The following DDX46 variants were observed in gnomAD, a reference collection of about 807,000 sequenced individuals.
The protein encoded by DDX46 is DEAD-box helicase 46.
DDX46 carries 30 observed loss-of-function variants against 134.9 expected under a neutral mutation model. That is an observed-to-expected ratio of 0.22 (90% CI 0.17 to 0.30). The LOEUF (loss-of-function observed/expected upper bound fraction) is 0.30. Among genes scored for constraint, DDX46 ranks in the 10% least tolerant of loss-of-function variants. The pLI is 1.00. For missense variants in DDX46, 622 were observed against 1,248.7 expected (o/e 0.50, Z 7.56); for synonymous variants, 415 against 404.1 (o/e 1.03, Z -0.32).
intron 15 of DDX46, chr5:134,804,869 C>A: frequency 2.6e-6 from 1 of 382,514 alleles, no homozygotes; most frequent in South Asian, 2.3e-5. Context: ...CTGTCATGAT[C>A]ACATTTAACA....
At chr5:134,800,371 C>A (rs1754790210) in intron 15 of DDX46, among the ~76,000 whole-genome samples, 1 of 151,924 alleles carries the variant, frequency 6.6e-6, no homozygotes, top group Non-Finnish European at 1.5e-5. Context: ...TTAGCATATG[C>A]CTTTTGAGAT....
At chr5:134,825,287 CTTT>C (rs1755559844) in intron 21 of DDX46, among the ~76,000 whole-genome samples, 1 of 152,168 alleles carries the variant, frequency 6.6e-6, no homozygotes, top group African/African-American at 2.4e-5. Context: ...CTTGATTCTT[CTTT>C]TTCTCTTCCC....
chr5:134,768,027 T>G (rs1188574192), intron 3 of DDX46, among the ~76,000 whole-genome samples: 8 of 151,434 alleles, frequency 5.3e-5, no homozygotes, highest in Non-Finnish European at 1.2e-4. Context: ...GACAGATTAG[T>G]GAACCATGTA....
intron 18 of DDX46, among the ~76,000 whole-genome samples, chr5:134,815,616 A>T (rs959457395): frequency 6.7e-6 from 1 of 149,102 alleles, no homozygotes; most frequent in Non-Finnish European, 1.5e-5. Context: ...CTGAGGCAGA[A>T]GAATGGCGTG....
chr5:134,796,265 C>A, intron 15 of DDX46, 115 bp downstream of exon 15: 1 of 1,122,332 alleles, frequency 8.9e-7, no homozygotes, highest in Non-Finnish European at 1.3e-6. Flanking sequence ...AATTTTATGT[C>A]AGTTTTTACT....
intron 21 of DDX46, among the ~76,000 whole-genome samples, chr5:134,822,836 C>T (rs1477800082): frequency 6.6e-6 from 1 of 152,082 alleles, no homozygotes; most frequent in African/African-American, 2.4e-5. Flanking sequence ...CTCAGCCTCC[C>T]AAAGTGATGG....
At chr5:134,803,211 C>G (rs1415177228) in intron 15 of DDX46, among the ~76,000 whole-genome samples, 1 of 152,136 alleles carries the variant, frequency 6.6e-6, no homozygotes, top group Non-Finnish European at 1.5e-5. Context: ...CCAGGCTGGT[C>G]TGGAACTCCT....
chr5:134,822,623 CAG>C (rs1210563388), intron 21 of DDX46, among the ~76,000 whole-genome samples: 1 of 152,046 alleles, frequency 6.6e-6, no homozygotes, highest in Non-Finnish European at 1.5e-5. Context: ...TTTTTTGAGA[CAG>C]AGTCTTGTTC....
intron 2 of DDX46, 115 bp from the exon 3 acceptor site, chr5:134,766,802 C>T: frequency 4.7e-6 from 6 of 1,263,940 alleles, no homozygotes; most frequent in Non-Finnish European, 5.3e-6. Flanking sequence ...TCATTGAGAC[C>T]TCCACCTTTA....
chr5:134,777,386 A>G (rs1479265143), intron 5 of DDX46, among the ~76,000 whole-genome samples, 188 bp from the exon 6 acceptor site: 2 of 152,246 alleles, frequency 1.3e-5, no homozygotes, highest in East Asian at 3.8e-4. Flanking sequence ...ATTCAGAAGT[A>G]ATACATGCTT....
chr5:134,764,991 C>G (rs1397196161), intron 2 of DDX46, among the ~76,000 whole-genome samples: 2 of 151,878 alleles, frequency 1.3e-5, no homozygotes, highest in Admixed American at 6.6e-5. Context: ...CAAAGCAGAC[C>G]CTCTCCAAGC....
At chr5:134,777,826 A>T in intron 6 of DDX46, 101 bp downstream of exon 6, 3 of 1,388,696 alleles carry the variant, frequency 2.2e-6, no homozygotes, top group Non-Finnish European at 2.9e-6. Context: ...TAAAGCTAAC[A>T]GTTTTCTTTC....
At chr5:134,767,597 T>C (rs941842626) in intron 3 of DDX46, among the ~76,000 whole-genome samples, 8 of 151,862 alleles carry the variant, frequency 5.3e-5, no homozygotes, top group Non-Finnish European at 1.2e-4. Flanking sequence ...CACCTCGGCT[T>C]CCCAAAGTGC....
chr5:134,816,588 G>A lies in DDX46; in HGVS notation c.2595G>A (p.Leu865=). Residue 865 remains leucine (L), a synonymous_variant, in exon 19 of 23, where the codon TTG becomes TTA. Transcript: ENST00000452510. The part of the protein sequence containing the change: ...LALRINAQKN[L]GIESQVDVMQ... ...TTAGAATCAATGCCCAGAAGAATTT[G>A]GGCATCGAGTCTCAGGTATTAAGTA... The A allele has an allele frequency of 6.2e-7, 1 of 1,613,274 alleles. No homozygotes were observed. The highest frequency in any genetic ancestry group is 8.5e-7 in the Non-Finnish European group (1 of 1,179,874).
rs373276825 is a variant in DDX46 at position 134,777,663 on chromosome 5, G to A, written c.703G>A (p.Val235Met). 1.1e-5 allele frequency: 18 copies of A among 1,613,722 alleles called. No individual in the cohort carries two copies. Among genetic ancestry groups the A allele is most frequent in the Non-Finnish European group, 1.5e-5 (18 of 1,179,930 alleles). The change falls in exon 6 of 23, where the codon GTG becomes ATG. Residue 235 changes from valine (V) to methionine (M), a missense_variant. Physicochemically the swap from Val to Met is conservative, Grantham distance 21. Transcript: ENST00000452510. ...TCCATTAGATGCTTACATGGAAGAAGTGAAAGAGGAAGTAAAAAAATTTAA... is the reference window on the plus strand; with the variant it reads ...TCCATTAGATGCTTACATGGAAGAAATGAAAGAGGAAGTAAAAAAATTTAA... Reference protein sequence around the residue: ...LDPLDAYMEEVKEEVKKFNMR... With the variant: ...LDPLDAYMEEMKEEVKKFNMR...
chr5:134,764,102 TA>T lies in DDX46; in HGVS notation c.206+12del. The T allele has an allele frequency of 6.3e-7, 1 of 1,585,394 alleles. No individual in the cohort carries two copies. The highest frequency in any genetic ancestry group is 8.6e-7 in the Non-Finnish European group (1 of 1,165,494). ...ACAGGAAGCGTCTGAGGTAAGACAT[TA>T]ATTAATTTCCAAAAGACGAGTGATA... On this transcript the variant is annotated intron_variant, in intron 2 of 22. Coordinates refer to ENST00000452510, the MANE Select transcript of DDX46 (RefSeq NM_001300860.2).
intron 15 of DDX46, among the ~76,000 whole-genome samples, chr5:134,798,881 A>T (rs1473528880): frequency 6.6e-6 from 1 of 152,262 alleles, no homozygotes; most frequent in Non-Finnish European, 1.5e-5. Context: ...CATAGACTGC[A>T]GATTGAAAAT....
intron 16 of DDX46, among the ~76,000 whole-genome samples, chr5:134,809,300 C>T (rs1036092875): frequency 2.0e-5 from 3 of 152,124 alleles, no homozygotes; most frequent in Non-Finnish European, 2.9e-5. Flanking sequence ...AATGTAAATA[C>T]TTGTAGCCCC....
At position 134,786,615 on chromosome 5, in the gene DDX46, C is replaced by T. The variant is rs186851266; in HGVS notation, c.1464+1029C>T. On this transcript the variant is annotated intron_variant, in intron 11 of 22. Coordinates refer to ENST00000452510, the MANE Select transcript of DDX46 (RefSeq NM_001300860.2). ...ATCCCAGCGCTTTGAGAGGCCGAAG[C>T]GGGTGGATCATGAGGTCAGGAGCTC... Among the ~76,000 whole-genome samples, 304 of 152,148 alleles carry T rather than the reference C, an allele frequency of 2.0e-3. 1 individual carries two copies. Among genetic ancestry groups the T allele is most frequent in the African/African-American group, 7.0e-3 (289 of 41,522 alleles).
Sources: allele counts gnomAD v4.1 joint callset (sites outside exome capture counted in the v4.1 genomes callset), GRCh38; gene constraint gnomAD v4.1.1; transcripts MANE v1.5; gene names NCBI Gene and HGNC (gene_info 2026-07-23, HGNC 2026-07-21).